Variants in PARP15 observed in about 807,000 individuals in gnomAD.
PARP15 encodes poly(ADP-ribose) polymerase family member 15.
PARP15 carries 50 observed loss-of-function variants against 62.1 expected under a neutral mutation model. The ratio of observed to expected loss-of-function variants is 0.81; its 90% confidence interval spans 0.64 to 1.02. The LOEUF is 1.02. Ranked by LOEUF, PARP15 falls within the 50% of genes least tolerant of loss-of-function variation. PARP15 has a pLI of 0.00. For missense variants in PARP15, 820 were observed against 826.5 expected (o/e 0.99, Z 0.10); for synonymous variants, 309 against 293.1 (o/e 1.05, Z -0.55).
At chr3:122,585,585 A>G (rs1427852542) in intron 1 of PARP15, among the ~76,000 whole-genome samples, 2 of 152,186 alleles carry the variant, frequency 1.3e-5, no homozygotes, top group Non-Finnish European at 2.9e-5. Context: ...GTGGTTGCAC[A>G]CTTGGGTGTT....
At chr3:122,625,468 A>G (rs1281932132) in intron 8 of PARP15, among the ~76,000 whole-genome samples, 1 of 152,154 alleles carries the variant, frequency 6.6e-6, no homozygotes, top group Non-Finnish European at 1.5e-5. Context: ...TGGCCGGTCC[A>G]GTCTCAAACT....
intron 1 of PARP15, among the ~76,000 whole-genome samples, chr3:122,587,108 G>T (rs1484655008): frequency 4.6e-5 from 7 of 152,128 alleles, no homozygotes; most frequent in Admixed American, 3.9e-4. Flanking sequence ...GTGTTTGTGT[G>T]TGTGTGTGTC....
Position 122,617,099 on chromosome 3 carries a change from A to C in PARP15, c.935A>C (p.Asp312Ala). The C allele has an allele frequency of 6.2e-7, 1 of 1,614,094 alleles. No homozygotes were observed. The highest frequency in any genetic ancestry group is 8.5e-7 in the Non-Finnish European group (1 of 1,179,930). Residue 312 changes from aspartate to alanine, a missense_variant, in exon 6 of 12, where the codon GAT (aspartate) becomes GCT (alanine). Transcript: ENST00000464300. The part of the protein sequence containing the change: ...GAITFQVATG[D>A]IATEQVDVIV... ...ATTACTTTTCAGGTTGCTACTGGAGATATAGCCACTGAACAGGTAGATGTT... is the reference window on the plus strand; with the variant it reads ...ATTACTTTTCAGGTTGCTACTGGAGCTATAGCCACTGAACAGGTAGATGTT...
Position 122,577,683 on chromosome 3 carries a change from C to T in PARP15, c.16C>T (p.Pro6Ser). 2 of 1,551,584 alleles carry T rather than the reference C, an allele frequency of 1.3e-6. No individual in the cohort carries two copies. Among genetic ancestry groups the T allele is most frequent in the Non-Finnish European group, 1.7e-6 (2 of 1,146,896 alleles). Residue 6 changes from proline (P) to serine (S), a missense_variant, in exon 1 of 12, where the codon CCC becomes TCC. By Grantham distance (74) the Pro-to-Ser change is moderately conservative (BLOSUM62 -1). Transcript: ENST00000464300. ...CGAGCTGAGGATGGCTGCGCCAGGC[C>T]CCCTTCCTGCCGCTGCTCTGAGTCC... MAAPGPLPAAALSPGA... is the reference protein window; with the variant it reads MAAPGSLPAAALSPGA...
intron 7 of PARP15, 98 bp downstream of exon 7, chr3:122,619,941 C>T (rs1297586256): frequency 6.6e-5 from 76 of 1,154,476 alleles, no homozygotes; most frequent in Non-Finnish European, 8.2e-5. Context: ...GAGTAAGTAG[C>T]GAGCAAAACT....
rs1480170404 is a variant in PARP15 at position 122,616,576 on chromosome 3, C to T, written c.851-439C>T. Among the ~76,000 whole-genome samples the T allele has an allele frequency of 3.9e-5, 6 of 152,084 alleles. No homozygotes were observed. In the East Asian group the frequency reaches 1.2e-3, roughly 29 times the overall value. ...CGAACTCCTAACCTCAAGTGATCCT[C>T]CCACCTCAGCCTCCCAAAGTGCTGG... On this transcript the variant is annotated intron_variant, in intron 5 of 11. Transcript: ENST00000464300.
Position 122,587,563 on chromosome 3 carries a change from G to A in PARP15, c.186+9710G>A, listed in dbSNP as rs553506251. Among the ~76,000 whole-genome samples, 68 of 152,160 alleles carry A rather than the reference G, an allele frequency of 4.5e-4. No individual in the cohort carries two copies. In the Middle Eastern group the frequency reaches 0.01, roughly 23 times the overall value. ...TATTTATTTTTTGAGCTGGGGTCTC[G>A]CTCTGTCCCGCAGGCTGGAGTGCAG... is the stretch of plus-strand genomic sequence containing the variant. On this transcript the variant is annotated intron_variant, in intron 1 of 11. Transcript: ENST00000464300.
rs774892923 is a variant in PARP15, at chr3:122,619,837, G to A, written c.1057G>A (p.Val353Ile). ...AGQAVESECA[V>I]LAAQPHRDFI... ...ACAAGCTGTGGAAAGTGAATGTGCT[G>A]TACTAGGTATGGGCACATGTTACTT... The change falls in exon 7 of 12, where the codon GTA becomes ATA. Residue 353 changes from valine to isoleucine, a missense_variant. Around this residue, in one of 3 missense-constraint regions of PARP15, gnomAD observed 731 missense variants for 727.7 expected, o/e 1.00. Transcript: ENST00000464300. The A allele has an allele frequency of 2.7e-5, 43 of 1,612,354 alleles. No individual in the cohort carries two copies. The highest frequency in any genetic ancestry group is 3.5e-5 in the Non-Finnish European group (41 of 1,178,488).
Position 122,635,044 on chromosome 3 carries a change from C to A in PARP15, c.1597C>A (p.Leu533Ile), listed in dbSNP as rs1283221207. Reference sequence around the variant, plus strand: ...GATTGAGAGGATACAGAATGCATTTCTCTGGCAGAGCTACCAGGTAAAGAA... The same window carrying A: ...GATTGAGAGGATACAGAATGCATTTATCTGGCAGAGCTACCAGGTAAAGAA... ...EKIERIQNAF[L>I]WQSYQVKKRQ... The change falls in exon 11 of 12, where the codon CTC becomes ATC. Residue 533 changes from leucine to isoleucine, a missense_variant. Leu to Ile is a conservative substitution (Grantham distance 5, BLOSUM62 2). Transcript: ENST00000464300. The A allele has an allele frequency of 1.9e-6, 3 of 1,613,978 alleles. No homozygotes were observed. The highest frequency in any genetic ancestry group is 1.7e-6 in the Non-Finnish European group (2 of 1,179,934).
chr3:122,605,813 C>A, intron 1 of PARP15, 123 bp from the exon 2 acceptor site: 3 of 944,106 alleles, frequency 3.2e-6, no homozygotes, highest in Non-Finnish European at 4.6e-6. Flanking sequence ...AACTCCTGGG[C>A]TCAAGTGATT....
intron 1 of PARP15, among the ~76,000 whole-genome samples, chr3:122,604,280 C>A (rs1935007105): frequency 6.6e-6 from 1 of 151,634 alleles, no homozygotes; most frequent in Admixed American, 6.6e-5. Context: ...TGTCATGACC[C>A]TTTAAATTCT....
At chr3:122,606,344 C>A (rs2107524726) in intron 2 of PARP15, among the ~76,000 whole-genome samples, 1 of 152,272 alleles carries the variant, frequency 6.6e-6, no homozygotes, top group African/African-American at 2.4e-5. Context: ...ACTCTCAACC[C>A]AGTTCTATTT....
chr3:122,612,458 T>C (rs1935638777), intron 3 of PARP15, among the ~76,000 whole-genome samples: 1 of 151,696 alleles, frequency 6.6e-6, no homozygotes, highest in South Asian at 2.1e-4. Context: ...TGAGACGGAG[T>C]CTTGCTCTGT....
chr3:122,636,923 T>C lies in PARP15; in HGVS notation c.*823T>C, dbSNP rs1169138056. 2 of 152,246 alleles carry C rather than the reference T, an allele frequency of 1.3e-5. No individual in the cohort carries two copies. Among genetic ancestry groups the C allele is most frequent in the African/African-American group, 2.4e-5 (1 of 41,450 alleles). 9.4% of individuals were successfully genotyped at this position (152,246 alleles called of 1,614,324 possible). On this transcript the variant is annotated 3_prime_UTR_variant, in exon 12 of 12. Transcript: ENST00000464300. ...TCTCCTCTCAGGCCTCTCCACAGGC[T>C]GCTTGAGTGTCCTCATGACACAACA...
At chr3:122,621,303 C>G (rs1396438046) in intron 7 of PARP15, 141 bp from the exon 8 acceptor site, 1 of 799,550 alleles carries the variant, frequency 1.3e-6, no homozygotes, top group African/African-American at 1.8e-5. Context: ...TGTCACAGTC[C>G]AGTGAATGAA....
intron 1 of PARP15, among the ~76,000 whole-genome samples, chr3:122,580,376 A>G (rs2080778719): frequency 6.6e-6 from 1 of 152,130 alleles, no homozygotes; most frequent in Non-Finnish European, 1.5e-5. Context: ...CTCTTGATGA[A>G]TTGGTTCATT....
intron 1 of PARP15, among the ~76,000 whole-genome samples, chr3:122,604,734 G>C (rs902697309): frequency 6.6e-6 from 1 of 152,156 alleles, no homozygotes; most frequent in African/African-American, 2.4e-5. Context: ...GGTGGCGAGT[G>C]CCTGTAATCC....
chr3:122,623,243 C>T (rs1424144263), intron 8 of PARP15, among the ~76,000 whole-genome samples: 1 of 152,190 alleles, frequency 6.6e-6, no homozygotes, highest in Non-Finnish European at 1.5e-5. Context: ...CTCTCACAAA[C>T]CCAAATTGTT....
intron 8 of PARP15, among the ~76,000 whole-genome samples, chr3:122,623,104 G>C (rs60594492): frequency 2.0e-5 from 3 of 152,156 alleles, no homozygotes; most frequent in East Asian, 1.9e-4. Context: ...TTTTGCTATC[G>C]GCGGTAATGA....
Sources: gnomAD v4.1 joint callset for allele counts (sites outside exome capture counted in the v4.1 genomes callset) on GRCh38, gnomAD v4.1.1 for gene constraint, gnomAD v4.1.1 regional missense constraint, MANE v1.5 for transcripts, NCBI Gene and HGNC (gene_info 2026-07-23, HGNC 2026-07-21) for gene names.